The following ITGB4 variants were observed in gnomAD, a reference collection of about 807,000 sequenced individuals.
ITGB4 encodes the protein integrin beta-4.
Under a neutral mutation model 207.6 loss-of-function variants are expected in ITGB4, and 159 were observed. The observed-to-expected ratio is 0.77, with a 90% confidence interval of 0.67 to 0.87. The LOEUF (loss-of-function observed/expected upper bound fraction) is 0.87, where lower values mean the gene tolerates loss of function less well. ITGB4 is among the 40% of genes least tolerant of loss of function. ITGB4 has a pLI of 0.00. For missense variants in ITGB4, 2,278 were observed against 2,546.8 expected (o/e 0.89, Z 2.27); for synonymous variants, 1,020 against 1,062.7 (o/e 0.96, Z 0.78).
rs934665221 is a variant in ITGB4 at position 75,724,737 on chromosome 17, C to T, written c.34C>T (p.Leu12=). 1.2e-6 allele frequency: 2 copies of T among 1,613,696 alleles called. No individual in the cohort carries two copies. Among genetic ancestry groups the T allele is most frequent in the African/African-American group, 2.7e-5 (2 of 74,958 alleles). The change falls in exon 2 of 40, where the codon CTG becomes TTG. Residue 12 remains leucine (L), a synonymous_variant. Coordinates refer to ENST00000200181, the MANE Select transcript of ITGB4 (RefSeq NM_000213.5). ...AGPRPSPWAR[L]LLAALISVSL... is the part of the protein sequence containing the mutation. ...GCCACGCCCCAGCCCATGGGCCAGG[C>T]TGCTCCTGGCAGCCTTGATCAGCGT...
intron 26 of ITGB4, 40 bp downstream of exon 26, chr17:75,743,901 G>C: frequency 6.5e-7 from 1 of 1,545,350 alleles, no homozygotes; most frequent in Non-Finnish European, 8.7e-7. Context: ...AGCCCGGGGG[G>C]CTGCGTGGGC....
intron 12 of ITGB4, 63 bp from the exon 13 acceptor site, chr17:75,733,427 G>A: frequency 7.6e-7 from 1 of 1,310,086 alleles, no homozygotes; most frequent in Non-Finnish European, 1.1e-6. Flanking sequence ...AAATTAAATG[G>A]GACAGCAAAA....
rs184948311 is a variant in ITGB4 at position 75,722,886 on chromosome 17, C to G, written c.-11+1274C>G. On this transcript the variant is annotated intron_variant, in intron 1 of 39. Transcript: ENST00000200181. This position sits in a 1 kb window ranked among gnomAD's most constrained non-coding sequence, Gnocchi z 6.2. Reference sequence around the variant, plus strand: ...GACCTGCTGGTACATAAAGTCGGGGCAGCCTGGTGGGGTCCGGGCCGCCTG... The same window carrying G: ...GACCTGCTGGTACATAAAGTCGGGGGAGCCTGGTGGGGTCCGGGCCGCCTG... Among the ~76,000 whole-genome samples the G allele has an allele frequency of 1.9e-4, 29 of 152,052 alleles. No individual in the cohort carries two copies. Among genetic ancestry groups the G allele is most frequent in the African/African-American group, 6.3e-4 (26 of 41,454 alleles).
In ITGB4 at chr17:75,750,881, T is replaced by C; in HGVS notation, c.3655+21T>C. 6.2e-7 allele frequency: 1 copy of C among 1,613,464 alleles called. No individual in the cohort carries two copies. The highest frequency in any genetic ancestry group is 8.5e-7 in the Non-Finnish European group (1 of 1,179,990). ...GGAAGGTGAGGCCTCGCCATGTCTG[T>C]CCATTTGTCCCCTGGCTGCCCTGAT... On this transcript the variant is annotated intron_variant, in intron 29 of 39. Transcript: ENST00000200181. This position sits in a 1 kb window ranked among gnomAD's most constrained non-coding sequence, Gnocchi z 5.5.
rs1033701145 is a variant in ITGB4 at position 75,732,872 on chromosome 17, A to AGGT, written c.1455-617_1455-615dup. Among the ~76,000 whole-genome samples, 2 of 149,686 alleles carry AGGT rather than the reference A, an allele frequency of 1.3e-5. No individual in the cohort carries two copies. The highest frequency in any genetic ancestry group is 5.0e-5 in the African/African-American group (2 of 40,364). On this transcript the variant is annotated intron_variant, in intron 12 of 39. Transcript: ENST00000200181. The surrounding 1 kb of genome is among the most constrained non-coding windows in gnomAD (Gnocchi z 5.3). ...GAGGCCGAGGTGGGTGGATCACCTG[A>AGGT]GGTCAGGAGTTCAAGACCAGCCTGG...
At chr17:75,726,601 G>A (rs530422709) in intron 2 of ITGB4, among the ~76,000 whole-genome samples, 16 of 151,742 alleles carry the variant, frequency 1.1e-4, no homozygotes, top group Non-Finnish European at 1.8e-4. Flanking sequence ...GCATGGTGGT[G>A]CCCACCCATT....
At position 75,731,709 on chromosome 17, in the gene ITGB4, C is replaced by A. The variant is rs1184524409; in HGVS notation, c.1216-103C>A. On this transcript the variant is annotated intron_variant, in intron 10 of 39. Coordinates refer to ENST00000200181, the MANE Select transcript of ITGB4 (RefSeq NM_000213.5). The surrounding 1 kb of genome is among the most constrained non-coding windows in gnomAD (Gnocchi z 6.8). The stretch of plus-strand genomic sequence containing the variant: ...GTGAGCAGGAGCTCATTTCAGGGAT[C>A]CAGACATCTCCTAGGAACTTGGGGG... 15 of 1,287,838 alleles carry A rather than the reference C, an allele frequency of 1.2e-5. No homozygotes were observed. The highest frequency in any genetic ancestry group is 1.5e-5 in the African/African-American group (1 of 67,146). The allele number at this position is 1,287,838 out of a possible 1,614,324, so 79.8% of individuals were successfully genotyped here. A position where few individuals can be genotyped will look rare whatever the true frequency, so the allele number is the denominator to read the frequency against.
chr17:75,736,346 C>A lies in ITGB4; in HGVS notation c.1820C>A (p.Ser607Ter). 1 of 1,612,320 alleles carries A rather than the reference C, an allele frequency of 6.2e-7. No homozygotes were observed. Among genetic ancestry groups the A allele is most frequent in the South Asian group, 1.1e-5 (1 of 90,958 alleles). The change falls in exon 15 of 40, where the codon TCG becomes TAG. Residue 607 changes from serine to a stop codon, truncating the protein, a stop_gained. Coordinates refer to ENST00000200181, the MANE Select transcript of ITGB4 (RefSeq NM_000213.5). LOFTEE classifies it high-confidence loss of function. ...ECGRCHCHQQ[S>*]LYTDTICEIN... ...GGCCGCTGCCACTGCCACCAGCAGT[C>A]GCTCTACACGGACACCATCTGCGAG...
At chr17:75,724,393 C>G (rs928962232) in intron 1 of ITGB4, among the ~76,000 whole-genome samples, 6 of 152,256 alleles carry the variant, frequency 3.9e-5, no homozygotes, top group African/African-American at 1.4e-4. Context: ...AAACCCACAT[C>G]TGCCCTCAGG....
At position 75,750,135 on chromosome 17, in the gene ITGB4, G is replaced by T; in HGVS notation, c.3341G>T (p.Ser1114Ile). 6.2e-7 allele frequency: 1 copy of T among 1,613,748 alleles called. No individual in the cohort carries two copies. Among genetic ancestry groups the T allele is most frequent in the Non-Finnish European group, 8.5e-7 (1 of 1,180,026 alleles). ...GATGAACTGGACCGGAGCTTCACGA[G>T]TCAGATGTTGTCATCACAGCCACCC... ...DPDELDRSFT[S>I]QMLSSQPPPH... Residue 1114 changes from serine to isoleucine, a missense_variant, in exon 28 of 40, where the codon AGT (serine) becomes ATT (isoleucine). Coordinates refer to ENST00000200181, the MANE Select transcript of ITGB4 (RefSeq NM_000213.5). The surrounding 1 kb of genome is among the most constrained non-coding windows in gnomAD (Gnocchi z 5.5).
At chr17:75,754,458 G>T in intron 33 of ITGB4, 118 bp from the exon 34 acceptor site, 1 of 1,303,136 alleles carries the variant, frequency 7.7e-7, no homozygotes, top group Non-Finnish European at 1.1e-6. Context: ...GAAACTGGTT[G>T]TATTTAAGCA....
intron 1 of ITGB4, among the ~76,000 whole-genome samples, chr17:75,723,077 TCTAA>T (rs1169667302): frequency 6.6e-6 from 1 of 152,208 alleles, no homozygotes; most frequent in Non-Finnish European, 1.5e-5. Context: ...TCGCCAACCC[TCTAA>T]CTGCCATTTT....
chr17:75,729,501 G>T lies in ITGB4; in HGVS notation c.738+65G>T. 1 of 1,545,726 alleles carries T rather than the reference G, an allele frequency of 6.5e-7. No homozygotes were observed. The highest frequency in any genetic ancestry group is 8.8e-7 in the Non-Finnish European group (1 of 1,137,842). ...TGAGCACTTCTGGGCAAGGGCCTGA[G>T]CTGCCCCCTGGCCTGCTCTGGTGCC... On this transcript the variant is annotated intron_variant, in intron 7 of 39. Transcript: ENST00000200181. The surrounding 1 kb of genome is among the most constrained non-coding windows in gnomAD (Gnocchi z 4.4).
intron 1 of ITGB4, 112 bp from the exon 2 acceptor site, chr17:75,724,582 T>C: frequency 2.3e-6 from 2 of 881,084 alleles, no homozygotes; most frequent in Non-Finnish European, 3.8e-6. Flanking sequence ...GCGCCCTTGG[T>C]CACATTGTTG....
intron 13 of ITGB4, among the ~76,000 whole-genome samples, chr17:75,734,240 G>A (rs574245471): frequency 1.3e-5 from 2 of 148,260 alleles, no homozygotes; most frequent in African/African-American, 5.0e-5. Flanking sequence ...GGGTTCAGGC[G>A]ATTCTCCTGC....
intron 6 of ITGB4, 116 bp downstream of exon 6, chr17:75,728,589 C>A: frequency 1.2e-6 from 1 of 829,446 alleles, no homozygotes; most frequent in Non-Finnish European, 2.0e-6. Context: ...TGGCTCATGC[C>A]TGTAATCCCA....
Position 75,727,889 on chromosome 17 carries a change from A to G in ITGB4, c.469+34A>G. 1 of 1,603,054 alleles carries G rather than the reference A, an allele frequency of 6.2e-7. No homozygotes were observed. ...GGGCCAGAGTGGAGGACAGCAGGGC[A>G]GGAGGGGGACAGGTGGGCGTCTGCT... On this transcript the variant is annotated intron_variant, in intron 5 of 39. Coordinates refer to ENST00000200181, the MANE Select transcript of ITGB4 (RefSeq NM_000213.5). This position sits in a 1 kb window ranked among gnomAD's most constrained non-coding sequence, Gnocchi z 6.0.
chr17:75,741,508 A>T (rs1599268882), intron 23 of ITGB4, among the ~76,000 whole-genome samples: 1 of 152,072 alleles, frequency 6.6e-6, no homozygotes, highest in Non-Finnish European at 1.5e-5. Context: ...GCACATGACC[A>T]TCAGTAAGAA....
Position 75,757,438 on chromosome 17 carries a change from G to A in ITGB4, c.5352G>A (p.Gln1784=), listed in dbSNP as rs749047938. ...FLVDGLTLGA[Q]HLEAGGSLTR... The stretch of plus-strand genomic sequence containing the variant: ...CAGATGGGCTGACCCTGGGGGCCCA[G>A]CACCTGGAGGCAGGCGGCTCCCTCA... Residue 1784 remains glutamine (Q), a synonymous_variant, in exon 40 of 40, where the codon CAG becomes CAA. Transcript: ENST00000200181. 1.2e-6 allele frequency: 2 copies of A among 1,613,200 alleles called. No homozygotes were observed. Among genetic ancestry groups the A allele is most frequent in the East Asian group, 2.2e-5 (1 of 44,884 alleles).
Sources: allele counts gnomAD v4.1 joint callset (sites outside exome capture counted in the v4.1 genomes callset), GRCh38; gene constraint gnomAD v4.1.1; non-coding constraint Gnocchi (gnomAD v3.1); transcripts MANE v1.5; gene names NCBI Gene and HGNC (gene_info 2026-07-23, HGNC 2026-07-21).